Variants in PTPRR observed in about 807,000 individuals in gnomAD.
PTPRR encodes the protein protein tyrosine phosphatase receptor type R, also known as receptor-type tyrosine-protein phosphatase R.
Under a neutral mutation model 77.2 loss-of-function variants are expected in PTPRR, and 38 were observed. That is an observed-to-expected ratio of 0.49 (90% CI 0.38 to 0.65). PTPRR has a LOEUF of 0.65. Ranked by LOEUF, PTPRR falls within the 30% of genes least tolerant of loss-of-function variation. PTPRR has a pLI of 0.00. For synonymous variants in PTPRR, 299 were observed against 283.1 expected (o/e 1.06, Z -0.57); for missense variants, 744 against 799.2 (o/e 0.93, Z 0.83).
chr12:70,658,964 G>A (rs554622815), intron 12 of PTPRR, among the ~76,000 whole-genome samples: 24 of 144,690 alleles, frequency 1.7e-4, no homozygotes, highest in Non-Finnish European at 3.3e-4. Flanking sequence ...ATACAGTGGC[G>A]GGATCTTGAC....
intron 2 of PTPRR, among the ~76,000 whole-genome samples, chr12:70,882,939 T>C (rs1210935317): frequency 6.6e-6 from 1 of 152,210 alleles, no homozygotes; most frequent in African/African-American, 2.4e-5. Context: ...ATTTAATCTA[T>C]ACACCTCTAT....
At chr12:70,856,843 G>C (rs1004281801) in intron 2 of PTPRR, among the ~76,000 whole-genome samples, 1 of 151,594 alleles carries the variant, frequency 6.6e-6, no homozygotes, top group African/African-American at 2.4e-5. Flanking sequence ...GTGGGGGAGA[G>C]AGGGGGAGAG....
intron 10 of PTPRR, among the ~76,000 whole-genome samples, chr12:70,665,963 A>G (rs1173805666): frequency 6.6e-6 from 1 of 152,134 alleles, no homozygotes; most frequent in African/African-American, 2.4e-5. Context: ...GAGGGATAGA[A>G]TGGGTCAGGT....
intron 2 of PTPRR, among the ~76,000 whole-genome samples, chr12:70,882,782 T>C (rs1249487454): frequency 6.6e-6 from 1 of 152,218 alleles, no homozygotes; most frequent in Non-Finnish European, 1.5e-5. Flanking sequence ...ATTCCGCTAC[T>C]GGTTTGAGTC....
chr12:70,827,160 T>A (rs1892124062), intron 2 of PTPRR, among the ~76,000 whole-genome samples: 2 of 152,192 alleles, frequency 1.3e-5, no homozygotes, highest in South Asian at 4.1e-4. Context: ...TGATCTATAA[T>A]CACCTTATTT....
rs568655996 is a variant in PTPRR, at chr12:70,800,767, T to C, written c.358-35989A>G. ...AAAATTAGCTGGGTGTGGTGACACG[T>C]GCCTGTAATCTCAGCTATTCAGGAG... On this transcript the variant is annotated intron_variant, in intron 2 of 13. Transcript: ENST00000283228. 1.1e-3 allele frequency among the ~76,000 whole-genome samples: 162 copies of C among 152,172 alleles called. 1 individual carries two copies. The highest frequency in any genetic ancestry group is 3.8e-3 in the African/African-American group (156 of 41,538).
intron 10 of PTPRR, chr12:70,672,836 G>T: frequency 1.3e-6 from 2 of 1,561,768 alleles, no homozygotes; most frequent in Non-Finnish European, 1.7e-6. Context: ...GAAGAACTAG[G>T]TGTCATCATC....
intron 2 of PTPRR, among the ~76,000 whole-genome samples, chr12:70,781,364 C>T (rs1428586081): frequency 1.3e-5 from 2 of 152,180 alleles, no homozygotes; most frequent in African/African-American, 4.8e-5. Flanking sequence ...GGTTTCTCAA[C>T]AGAGCCAGAT....
At chr12:70,804,763 A>T (rs1891679899) in intron 2 of PTPRR, among the ~76,000 whole-genome samples, 1 of 152,196 alleles carries the variant, frequency 6.6e-6, no homozygotes, top group Admixed American at 6.5e-5. Flanking sequence ...CTTCACATGC[A>T]AAGACAGACT....
At position 70,791,119 on chromosome 12, in the gene PTPRR, T is replaced by A. The variant is rs11178424; in HGVS notation, c.358-26341A>T. Among the ~76,000 whole-genome samples, 629 of 152,312 alleles carry A rather than the reference T, an allele frequency of 4.1e-3. 24 individuals carry two copies. In the East Asian group the frequency reaches 0.071, roughly 17 times the overall value. ...TGGAGTAATTTTTGAAACCATAAAT[T>A]AGATCATGTCAGTACTTTTTAAAAA... On this transcript the variant is annotated intron_variant, in intron 2 of 13. Transcript: ENST00000283228.
intron 2 of PTPRR, among the ~76,000 whole-genome samples, chr12:70,852,504 T>A (rs958041419): frequency 6.6e-6 from 1 of 152,136 alleles, no homozygotes; most frequent in Middle Eastern, 3.2e-3. Flanking sequence ...CTGATTATTA[T>A]CAAAGTAATC....
At chr12:70,856,598 C>T (rs1025768179) in intron 2 of PTPRR, among the ~76,000 whole-genome samples, 3 of 152,154 alleles carry the variant, frequency 2.0e-5, no homozygotes, top group Admixed American at 6.6e-5. Flanking sequence ...TGATATTTGT[C>T]TGTGAAAATC....
chr12:70,896,944 G>T (rs1353369312), intron 1 of PTPRR, among the ~76,000 whole-genome samples: 1 of 151,806 alleles, frequency 6.6e-6, no homozygotes, highest in Admixed American at 6.6e-5. Flanking sequence ...TTATTTCTGA[G>T]GGCTGTGTTC....
intron 6 of PTPRR, among the ~76,000 whole-genome samples, chr12:70,720,766 G>A (rs1889222149): frequency 6.6e-6 from 1 of 152,064 alleles, no homozygotes; most frequent in South Asian, 2.1e-4. Flanking sequence ...ACAGGCGTGA[G>A]CCACCACACC....
At chr12:70,724,786 T>C (rs975231050) in intron 6 of PTPRR, among the ~76,000 whole-genome samples, 22 of 152,106 alleles carry the variant, frequency 1.4e-4, no homozygotes, top group African/African-American at 5.3e-4. Flanking sequence ...TATATGTATG[T>C]GTATGTAAGT....
At chr12:70,829,615 G>A (rs183732748) in intron 2 of PTPRR, among the ~76,000 whole-genome samples, 2 of 152,210 alleles carry the variant, frequency 1.3e-5, no homozygotes, top group East Asian at 3.9e-4. Context: ...AAAAACCAAG[G>A]GATGTTATCA....
At chr12:70,826,065 T>C (rs999958888) in intron 2 of PTPRR, among the ~76,000 whole-genome samples, 1 of 152,156 alleles carries the variant, frequency 6.6e-6, no homozygotes, top group African/African-American at 2.4e-5. Context: ...TATAAGACTT[T>C]CTGGAGTTCT....
At chr12:70,744,845 G>A (rs1197433985) in intron 6 of PTPRR, among the ~76,000 whole-genome samples, 2 of 152,140 alleles carry the variant, frequency 1.3e-5, no homozygotes, top group African/African-American at 4.8e-5. Flanking sequence ...TACACTACAA[G>A]TCATGTTTTA....
At chr12:70,781,620 C>T (rs1351076932) in intron 2 of PTPRR, among the ~76,000 whole-genome samples, 1 of 152,110 alleles carries the variant, frequency 6.6e-6, no homozygotes, top group Non-Finnish European at 1.5e-5. Flanking sequence ...AGGGTTGGTA[C>T]AATTTGGTCT....
Sources: gnomAD v4.1 joint callset for allele counts (sites outside exome capture counted in the v4.1 genomes callset) on GRCh38, gnomAD v4.1.1 for gene constraint, MANE v1.5 for transcripts, NCBI Gene and HGNC (gene_info 2026-07-23, HGNC 2026-07-21) for gene names.